The following SPDYE14 variants were observed in gnomAD, a reference collection of about 807,000 sequenced individuals.
SPDYE14 encodes speedy protein E14.
chr7:75,273,762 G>A, the SPDYE14 span, among the ~76,000 whole-genome samples: 2 of 57,934 alleles, frequency 3.5e-5, 1 homozygote, highest in Non-Finnish European at 8.9e-5. Context: ...CCAACACATT[G>A]GGAGTTAGGA....
the SPDYE14 span, among the ~76,000 whole-genome samples, chr7:75,265,882 A>C: frequency 8.9e-5 from 2 of 22,362 alleles, no homozygotes; most frequent in Admixed American, 7.5e-4. Context: ...TTGTAGTCCC[A>C]GTTACTTGGG....
the SPDYE14 span, among the ~76,000 whole-genome samples, chr7:75,279,179 AGGTG>A: frequency 1.1e-5 from 1 of 88,222 alleles, no homozygotes; most frequent in Non-Finnish European, 2.2e-5. Flanking sequence ...TGTTCTAGAG[AGGTG>A]TGTGTGCAGG....
the SPDYE14 span, among the ~76,000 whole-genome samples, chr7:75,265,214 C>T: frequency 1.4e-3 from 122 of 87,968 alleles, no homozygotes; most frequent in African/African-American, 4.9e-3. Context: ...ATTATCCTGC[C>T]TCAGCCTCCC....
At chr7:75,247,561 T>G in the SPDYE14 span, among the ~76,000 whole-genome samples, 2 of 83,962 alleles carry the variant, frequency 2.4e-5, no homozygotes, top group South Asian at 4.0e-4. Context: ...AAATAGGACA[T>G]GACATTATAT....
the SPDYE14 span, among the ~76,000 whole-genome samples, chr7:75,257,722 C>T: frequency 1.5e-3 from 62 of 42,454 alleles, no homozygotes; most frequent in Middle Eastern, 0.016. Flanking sequence ...GTCTTTCCCT[C>T]CTATCTCTCT....
At chr7:75,273,123 G>A in the SPDYE14 span, among the ~76,000 whole-genome samples, 3 of 59,768 alleles carry the variant, frequency 5.0e-5, 1 homozygote, top group Non-Finnish European at 8.7e-5. Flanking sequence ...GACCATGTGA[G>A]ATGTGCGTGC....
the SPDYE14 span, among the ~76,000 whole-genome samples, chr7:75,278,661 C>G: frequency 3.6e-5 from 1 of 27,990 alleles, no homozygotes; most frequent in Non-Finnish European, 8.9e-5. Context: ...AAAATCTAGG[C>G]TGGGCTGGGT....
the SPDYE14 span, among the ~76,000 whole-genome samples, chr7:75,278,974 G>A: frequency 7.3e-5 from 8 of 109,556 alleles, no homozygotes; most frequent in Admixed American, 2.5e-4. Flanking sequence ...GGCTTAAATC[G>A]GGAGAGTGAC....
chr7:75,264,662 A>G, the SPDYE14 span, among the ~76,000 whole-genome samples: 38 of 21,674 alleles, frequency 1.8e-3, 13 homozygotes, highest in Non-Finnish European at 3.6e-3. Flanking sequence ...GTTGCAATAA[A>G]CATTCCTGTA....
chr7:75,237,724 C>A, the SPDYE14 span: 4 of 112,876 alleles, frequency 3.5e-5, no homozygotes, highest in Admixed American at 2.0e-4. Flanking sequence ...ACTCAAACGC[C>A]GGTCCCCGCT....
the SPDYE14 span, among the ~76,000 whole-genome samples, chr7:75,241,695 ATT>A: frequency 1.3e-4 from 2 of 15,490 alleles, no homozygotes; most frequent in African/African-American, 1.7e-4. Context: ...ATATATATAT[ATT>A]TTTTTTTTTT....
the SPDYE14 span, among the ~76,000 whole-genome samples, chr7:75,257,307 C>A: frequency 8.7e-6 from 1 of 114,358 alleles, no homozygotes; most frequent in African/African-American, 3.3e-5. Flanking sequence ...AATGCATGGA[C>A]AAAGCAATTC....
At chr7:75,276,802 G>C in the SPDYE14 span, among the ~76,000 whole-genome samples, 4 of 138,526 alleles carry the variant, frequency 2.9e-5, no homozygotes, top group African/African-American at 5.3e-5. Context: ...GCTGAAGCAG[G>C]AGGATCATGT....
At chr7:75,241,680 A>AT in the SPDYE14 span, among the ~76,000 whole-genome samples, 710 of 19,648 alleles carry the variant, frequency 0.036, 148 homozygotes, top group Non-Finnish European at 0.05. Context: ...AAAAAAAAAA[A>AT]ATATATATAT....
the SPDYE14 span, chr7:75,237,723 C>G: frequency 8.9e-6 from 1 of 112,766 alleles, no homozygotes; most frequent in South Asian, 3.4e-4. Context: ...CACTCAAACG[C>G]CGGTCCCCGC....
the SPDYE14 span, chr7:75,237,671 G>T: frequency 2.1e-5 from 2 of 97,550 alleles, no homozygotes; most frequent in Admixed American, 1.2e-4. Flanking sequence ...CGCGGCGCCC[G>T]GCGCGGGGAG....
At chr7:75,265,314 G>T in the SPDYE14 span, among the ~76,000 whole-genome samples, 1 of 82,294 alleles carries the variant, frequency 1.2e-5, no homozygotes, top group Non-Finnish European at 2.4e-5. Context: ...TCATGATGTT[G>T]GTCAGGATAA....
At chr7:75,241,059 G>GT in the SPDYE14 span, among the ~76,000 whole-genome samples, 8 of 218 alleles carry the variant, frequency 0.037, 2 homozygotes, top group Admixed American at 0.1. Context: ...AACTATTATT[G>GT]TTTTTTTTTT....
the SPDYE14 span, among the ~76,000 whole-genome samples, chr7:75,255,079 C>CCTTT: frequency 2.9e-4 from 4 of 13,586 alleles, 2 homozygotes; most frequent in East Asian, 0.02. Context: ...CTTTCTTTCT[C>CCTTT]CTTTCTTTCT....
Sources: allele counts gnomAD v4.1 joint callset (sites outside exome capture counted in the v4.1 genomes callset), GRCh38; gene constraint gnomAD v4.1.1; transcripts MANE v1.5; gene names NCBI Gene and HGNC (gene_info 2026-07-23, HGNC 2026-07-21).